The following TOLLIP variants were observed in gnomAD, a reference collection of about 807,000 sequenced individuals.
The protein encoded by TOLLIP is toll-interacting protein.
TOLLIP carries 16 observed loss-of-function variants against 33.5 expected under a neutral mutation model. The ratio of observed to expected loss-of-function variants is 0.48; its 90% CI spans 0.32 to 0.72. TOLLIP has a LOEUF of 0.72. Among genes scored for constraint, TOLLIP ranks in the 30% least tolerant of loss-of-function variants. The pLI, the probability that TOLLIP is intolerant of heterozygous loss-of-function variation, is 0.03. For synonymous variants in TOLLIP, 176 were observed against 163.7 expected (o/e 1.07, Z -0.57); for missense variants, 325 against 396.6 (o/e 0.82, Z 1.53).
At chr11:1,282,444 C>G (rs1863531997) in intron 5 of TOLLIP, among the ~76,000 whole-genome samples, 1 of 150,928 alleles carries the variant, frequency 6.6e-6, no homozygotes, top group African/African-American at 2.4e-5. Context: ...ACATTGCGCA[C>G]ATGTACCCTA....
intron 1 of TOLLIP, among the ~76,000 whole-genome samples, chr11:1,299,293 C>T (rs549056052): frequency 6.6e-6 from 1 of 152,334 alleles, no homozygotes; most frequent in East Asian, 1.9e-4. Context: ...ACGCAACCTG[C>T]TGCCCCGCCT....
rs547681609 is a variant in TOLLIP at position 1,303,009 on chromosome 11, C to T, written c.33+6457G>A. 1.4e-4 allele frequency among the ~76,000 whole-genome samples: 22 copies of T among 152,222 alleles called. No homozygotes were observed. In the South Asian group the frequency reaches 2.7e-3, roughly 19 times the overall value. On this transcript the variant is annotated intron_variant, in intron 1 of 5. Coordinates refer to ENST00000317204, the MANE Select transcript of TOLLIP (RefSeq NM_019009.4). This position sits in a 1 kb window ranked among gnomAD's most constrained non-coding sequence, Gnocchi z 4.2. ...AACAGGCGCTTCAAAGCCAACATGC[C>T]GGGAGGTTCCCTGGCTCTGCTAAAG...
chr11:1,292,822 G>C (rs903174561), intron 2 of TOLLIP, among the ~76,000 whole-genome samples: 1 of 152,266 alleles, frequency 6.6e-6, no homozygotes, highest in Admixed American at 6.5e-5. Context: ...CGTTACCACT[G>C]CAGGGAGTGA....
chr11:1,295,468 T>G, intron 2 of TOLLIP, 177 bp downstream of exon 2: 2 of 759,790 alleles, frequency 2.6e-6, no homozygotes, highest in Non-Finnish European at 4.0e-6. Context: ...GAACCCGGGG[T>G]CAATGCCAAT....
At position 1,277,846 on chromosome 11, in the gene TOLLIP, A is replaced by T. The variant is rs1863360811; in HGVS notation, c.611-593T>A. ...AGCAAAGCTGCAGCCGATGCCCAGA[A>T]TGACAACCCCACACACACATACAAA... is the stretch of plus-strand genomic sequence containing the variant. On this transcript the variant is annotated intron_variant, in intron 5 of 5. Coordinates refer to ENST00000317204, the MANE Select transcript of TOLLIP (RefSeq NM_019009.4). The surrounding 1 kb of genome is among the most constrained non-coding windows in gnomAD (Gnocchi z 4.2). Among the ~76,000 whole-genome samples the T allele has an allele frequency of 6.6e-6, 1 of 152,176 alleles. No individual in the cohort carries two copies. The highest frequency in any genetic ancestry group is 1.5e-5 in the Non-Finnish European group (1 of 68,034).
rs1018472598 is a variant in TOLLIP, at chr11:1,277,791, G to T, written c.611-538C>A. Among the ~76,000 whole-genome samples, 2 of 152,124 alleles carry T rather than the reference G, an allele frequency of 1.3e-5. No homozygotes were observed. Among genetic ancestry groups the T allele is most frequent in the African/African-American group, 4.8e-5 (2 of 41,382 alleles). Reference sequence around the variant, plus strand: ...GTGTCACTAAACTGTGTGCCGGTGGGGAACAATCACCACAGGCACTGAAGA... The same window carrying T: ...GTGTCACTAAACTGTGTGCCGGTGGTGAACAATCACCACAGGCACTGAAGA... On this transcript the variant is annotated intron_variant, in intron 5 of 5. Coordinates refer to ENST00000317204, the MANE Select transcript of TOLLIP (RefSeq NM_019009.4). The surrounding 1 kb of genome is among the most constrained non-coding windows in gnomAD (Gnocchi z 4.2).
chr11:1,292,698 C>G (rs5743943), intron 2 of TOLLIP, among the ~76,000 whole-genome samples: 1,848 of 152,380 alleles, frequency 0.012, 24 homozygotes, highest in African/African-American at 0.042. Context: ...CTGCCTCCCC[C>G]ACAACGGGCA....
intron 2 of TOLLIP, among the ~76,000 whole-genome samples, chr11:1,291,635 GCACCC>G: frequency 7.2e-6 from 1 of 138,610 alleles, no homozygotes; most frequent in Non-Finnish European, 1.5e-5. Context: ...TGTTCTCACC[GCACCC>G]CTCTGAGGGC....
At chr11:1,293,256 G>A (rs1332874115) in intron 2 of TOLLIP, among the ~76,000 whole-genome samples, 6 of 152,258 alleles carry the variant, frequency 3.9e-5, no homozygotes, top group Admixed American at 3.9e-4. Context: ...TGGGCACACG[G>A]AGTCCGGAGT....
chr11:1,292,998 C>T (rs937312196), intron 2 of TOLLIP, among the ~76,000 whole-genome samples: 1 of 152,178 alleles, frequency 6.6e-6, no homozygotes, highest in Non-Finnish European at 1.5e-5. Flanking sequence ...GAAAGGCCCA[C>T]GCGGGAACGG....
At chr11:1,297,125 C>G (rs1864135531) in intron 1 of TOLLIP, among the ~76,000 whole-genome samples, 1 of 152,126 alleles carries the variant, frequency 6.6e-6, no homozygotes, top group South Asian at 2.1e-4. Flanking sequence ...CCGAGTGGAA[C>G]CTGGAACCCT....
intron 5 of TOLLIP, among the ~76,000 whole-genome samples, chr11:1,279,619 C>T (rs1167703209): frequency 6.6e-6 from 1 of 152,250 alleles, no homozygotes; most frequent in Non-Finnish European, 1.5e-5. Flanking sequence ...TCAGCCCCAC[C>T]AGCCACCTGC....
intron 4 of TOLLIP, among the ~76,000 whole-genome samples, chr11:1,287,441 C>T (rs1355837941): frequency 1.1e-5 from 1 of 90,356 alleles, no homozygotes; most frequent in African/African-American, 4.0e-5. Flanking sequence ...GCCGCAGCCT[C>T]CCCGCCGCAC....
chr11:1,308,125 C>T (rs1864467028), intron 1 of TOLLIP, among the ~76,000 whole-genome samples: 1 of 152,250 alleles, frequency 6.6e-6, no homozygotes, highest in African/African-American at 2.4e-5. Flanking sequence ...CCAGCCCAGC[C>T]TCAGTGAGTG....
chr11:1,309,591 G>A lies in TOLLIP; in HGVS notation c.-93C>T. ...GCCGGAGCCTGCGACGGAGACAGTT[G>A]TCACCTCGAGGCCGCCGCCGCCACA... On this transcript the variant is annotated 5_prime_UTR_variant, in exon 1 of 6. Transcript: ENST00000317204. 1.7e-6 allele frequency: 1 copy of A among 573,856 alleles called. No individual in the cohort carries two copies. The highest frequency in any genetic ancestry group is 2.5e-6 in the Non-Finnish European group (1 of 392,760). 35.5% of individuals were successfully genotyped at this position (573,856 alleles called of 1,614,324 possible). A position where few individuals can be genotyped will look rare whatever the true frequency, so the allele number is the denominator to read the frequency against.
chr11:1,278,299 T>G lies in TOLLIP; in HGVS notation c.611-1046A>C. Among the ~76,000 whole-genome samples, 1 of 152,212 alleles carries G rather than the reference T, an allele frequency of 6.6e-6. No individual in the cohort carries two copies. Among genetic ancestry groups the G allele is most frequent in the South Asian group, 2.1e-4 (1 of 4,820 alleles). On this transcript the variant is annotated intron_variant, in intron 5 of 5. Transcript: ENST00000317204. This position sits in a 1 kb window ranked among gnomAD's most constrained non-coding sequence, Gnocchi z 4.7. ...CAGCTGCAGCAGTGCAAGGGTTCAC[T>G]GCTCACCCGTTCATTCACCTTTAAA...
Position 1,308,053 on chromosome 11 carries a change from T to C in TOLLIP, c.33+1413A>G, listed in dbSNP as rs528015510. Among the ~76,000 whole-genome samples the C allele has an allele frequency of 2.0e-5, 3 of 152,286 alleles. No individual in the cohort carries two copies. The South Asian group carries it at 6.2e-4, about 32-fold the overall frequency. On this transcript the variant is annotated intron_variant, in intron 1 of 5. Transcript: ENST00000317204. ...TGGAGCATCGTGAAAAAGGACTTTT[T>C]CCACCCACGGCATGTTCAGAGCCAC...
intron 2 of TOLLIP, among the ~76,000 whole-genome samples, chr11:1,294,391 T>C (rs1864048932): frequency 9.5e-6 from 1 of 104,794 alleles, no homozygotes; most frequent in Admixed American, 1.0e-4. Context: ...AAAGCCCGCA[T>C]GGCTCAGTGT....
chr11:1,308,796 G>A (rs917160427), intron 1 of TOLLIP, among the ~76,000 whole-genome samples: 1 of 60,724 alleles, frequency 1.6e-5, no homozygotes, highest in African/African-American at 5.4e-5. Flanking sequence ...TGAGAAAGAG[G>A]AAACAGCCAT....
Sources: gnomAD v4.1 joint callset for allele counts (sites outside exome capture counted in the v4.1 genomes callset) on GRCh38, gnomAD v4.1.1 for gene constraint, Gnocchi (gnomAD v3.1) non-coding constraint, MANE v1.5 for transcripts, NCBI Gene and HGNC (gene_info 2026-07-23, HGNC 2026-07-21) for gene names.